SLC39A14: variants seen among roughly 807,000 people sequenced by gnomAD.
SLC39A14 encodes solute carrier family 39 member 14, also known as metal cation symporter ZIP14.
In SLC39A14, 19 loss-of-function variants were observed where a neutral mutation model predicts 45.5. That is an observed-to-expected ratio of 0.42 (90% CI 0.29 to 0.61). The LOEUF (loss-of-function observed/expected upper bound fraction) is 0.61. Ranked by LOEUF, SLC39A14 falls within the 20% of genes least tolerant of loss-of-function variation. The pLI, the probability that SLC39A14 is intolerant of heterozygous loss-of-function variation, is 0.22. For synonymous variants in SLC39A14, 264 were observed against 251.3 expected (o/e 1.05, Z -0.48); for missense variants, 447 against 616.5 (o/e 0.73, Z 2.91).
rs34491052 is a variant in SLC39A14, at chr8:22,396,596, GA to G, written c.-15-8099del. On this transcript the variant is annotated intron_variant, in intron 1 of 8. Transcript: ENST00000381237. The stretch of plus-strand genomic sequence containing the variant: ...AGAGAGAGAGAGAGAGAGAGAGAGA[GA>G]GAAGACTAAGTGGAATTTGGAATTG... Among the ~76,000 whole-genome samples, 5 of 66,336 alleles carry G rather than the reference GA, an allele frequency of 7.5e-5. 1 individual carries two copies. Among genetic ancestry groups the G allele is most frequent in the Admixed American group, 3.3e-4 (2 of 5,998 alleles). The allele number at this position is 66,336 out of a possible 152,430, so 43.5% of individuals were successfully genotyped here.
intron 8 of SLC39A14, among the ~76,000 whole-genome samples, chr8:22,428,265 C>G (rs1213358399): frequency 6.6e-6 from 1 of 151,936 alleles, no homozygotes; most frequent in Non-Finnish European, 1.5e-5. Flanking sequence ...CCATTGCACT[C>G]CAGCCTGGGC....
At chr8:22,424,858 A>C (rs191494664), downstream of SLC39A14, among the ~76,000 whole-genome samples, 436 of 152,010 alleles carry the variant, frequency 2.9e-3, 3 homozygotes, top group African/African-American at 9.6e-3. Flanking sequence ...GTGAAACCCT[A>C]TCTCTACTAA....
chr8:22,407,939 C>G (rs1563573748), intron 2 of SLC39A14, among the ~76,000 whole-genome samples: 1 of 152,110 alleles, frequency 6.6e-6, no homozygotes, highest in East Asian at 1.9e-4. Context: ...AATTTCTGTC[C>G]TCAAGTGATC....
At position 22,407,707 on chromosome 8, in the gene SLC39A14, C is replaced by CTT. The variant is rs34840104; in HGVS notation, c.271-589_271-588dup. On this transcript the variant is annotated intron_variant, in intron 2 of 8. Coordinates refer to ENST00000381237, the MANE Select transcript of SLC39A14 (RefSeq NM_001128431.4). Reference sequence around the variant, plus strand: ...ACTATACCCTAGTGACAATATTTTGCTTTTTTTTTTTTTTTAAGAGACAGG... The same window carrying CTT: ...ACTATACCCTAGTGACAATATTTTGCTTTTTTTTTTTTTTTTTAAGAGACAGG... Among the ~76,000 whole-genome samples the CTT allele has an allele frequency of 8.0e-3, 1,045 of 130,658 alleles. 11 individuals are homozygous for CTT. Among genetic ancestry groups the CTT allele is most frequent in the African/African-American group, 0.027 (976 of 36,374 alleles). 85.7% of individuals were successfully genotyped at this position (130,658 alleles called of 152,430 possible). A position where few individuals can be genotyped will look rare whatever the true frequency, so the allele number is the denominator to read the frequency against.
downstream of SLC39A14, among the ~76,000 whole-genome samples, chr8:22,424,035 C>T (rs1836340148): frequency 6.6e-6 from 1 of 151,384 alleles, no homozygotes. Flanking sequence ...GCCTTGAACT[C>T]TTGGCCTCCC....
intron 1 of SLC39A14, among the ~76,000 whole-genome samples, chr8:22,396,756 C>T (rs1834510466): frequency 6.6e-6 from 1 of 150,788 alleles, no homozygotes; most frequent in Middle Eastern, 3.4e-3. Flanking sequence ...TACTACTCAA[C>T]TGAAGAGGAA....
chr8:22,372,655 G>A (rs1430545192), intron 1 of SLC39A14, among the ~76,000 whole-genome samples: 2 of 152,254 alleles, frequency 1.3e-5, no homozygotes, highest in Admixed American at 1.3e-4. Flanking sequence ...TACATACCTA[G>A]TTTAATTTCA....
intron 8 of SLC39A14, among the ~76,000 whole-genome samples, chr8:22,432,087 T>C (rs1284539605): frequency 1.3e-5 from 2 of 152,044 alleles, no homozygotes; most frequent in Admixed American, 1.3e-4. Context: ...TCCCAACACT[T>C]TGTGAGGCCA....
chr8:22,384,712 A>G (rs1586659243), intron 1 of SLC39A14, among the ~76,000 whole-genome samples: 1 of 142,840 alleles, frequency 7.0e-6, no homozygotes, highest in African/African-American at 2.7e-5. Context: ...GTACCACTGC[A>G]CTCTAGCCTG....
chr8:22,427,821 T>C (rs1204463129), intron 8 of SLC39A14, among the ~76,000 whole-genome samples: 2 of 152,200 alleles, frequency 1.3e-5, no homozygotes, highest in Non-Finnish European at 1.5e-5. Context: ...AAAGGGATCA[T>C]ACTGATTTTT....
chr8:22,371,414 CTTTTTTTT>C (rs373230777), intron 1 of SLC39A14, among the ~76,000 whole-genome samples: 38 of 120,050 alleles, frequency 3.2e-4, no homozygotes, highest in Non-Finnish European at 6.1e-4. Context: ...AAATACATGT[CTTTTTTTT>C]TTTTTTTTTT....
chr8:22,415,367 T>A (rs544271673), intron 5 of SLC39A14: 132 of 208,220 alleles, frequency 6.3e-4, no homozygotes, highest in African/African-American at 2.7e-3. Context: ...GCTCTAAATA[T>A]TTGAGCAGTG....
chr8:22,399,975 TG>T (rs1244289717), intron 1 of SLC39A14, among the ~76,000 whole-genome samples: 2 of 152,330 alleles, frequency 1.3e-5, no homozygotes, highest in East Asian at 3.9e-4. Flanking sequence ...ACGAGCACTG[TG>T]ACAGTGTGTC....
At chr8:22,399,484 C>G (rs1367144280) in intron 1 of SLC39A14, among the ~76,000 whole-genome samples, 2 of 152,236 alleles carry the variant, frequency 1.3e-5, no homozygotes, top group Non-Finnish European at 2.9e-5. Flanking sequence ...ATGTCTCAAG[C>G]GCTGGCCAGG....
chr8:22,385,976 C>T (rs1475799022), intron 1 of SLC39A14, among the ~76,000 whole-genome samples: 10 of 152,196 alleles, frequency 6.6e-5, no homozygotes, highest in Non-Finnish European at 1.5e-4. Flanking sequence ...GAGTCTCACT[C>T]TTGCCTAGGC....
At chr8:22,406,473 C>T (rs1184460768) in intron 2 of SLC39A14, among the ~76,000 whole-genome samples, 1 of 152,116 alleles carries the variant, frequency 6.6e-6, no homozygotes, top group African/African-American at 2.4e-5. Context: ...GCAGGTGGAT[C>T]ACGAGGTCAG....
At chr8:22,408,236 AG>A (rs1199538732) in intron 2 of SLC39A14, 73 bp from the exon 3 acceptor site, 1 of 1,320,542 alleles carries the variant, frequency 7.6e-7, no homozygotes, top group Non-Finnish European at 1.1e-6. Flanking sequence ...GGGAAGGCTG[AG>A]TAGGTTGCTG....
rs193091287 is a variant in SLC39A14, at chr8:22,387,186, A to G, written c.-15-17510A>G. Among the ~76,000 whole-genome samples the G allele has an allele frequency of 6.1e-3, 918 of 150,896 alleles. 9 individuals carry two copies. The highest frequency in any genetic ancestry group is 0.021 in the African/African-American group (879 of 41,122). On this transcript the variant is annotated intron_variant, in intron 1 of 8. Coordinates refer to ENST00000381237, the MANE Select transcript of SLC39A14 (RefSeq NM_001128431.4). ...AGACCCTGTCTTAAAAAAAAAAAAA[A>G]GGCAGTAGTTATTAAAAACTTGGAG...
chr8:22,405,167 C>A (rs1461568858), intron 2 of SLC39A14, among the ~76,000 whole-genome samples, 187 bp downstream of exon 2: 1 of 152,246 alleles, frequency 6.6e-6, no homozygotes, highest in Non-Finnish European at 1.5e-5. Context: ...AATTCTGAGT[C>A]TTCTGCAGCA....
Sources: allele counts gnomAD v4.1 joint callset (sites outside exome capture counted in the v4.1 genomes callset), GRCh38; gene constraint gnomAD v4.1.1; transcripts MANE v1.5; gene names NCBI Gene and HGNC (gene_info 2026-07-23, HGNC 2026-07-21).